Variants in SMIM3 observed in about 807,000 individuals in gnomAD.
SMIM3 encodes the protein small integral membrane protein 3, also known as NGF-induced differentiation clone 67 protein.
In SMIM3, 4 loss-of-function variants were observed where a neutral mutation model predicts 2.1. The observed-to-expected ratio is 1.89, with a 90% CI of 0.93 to 4.31. The LOEUF (loss-of-function observed/expected upper bound fraction) is 4.31. SMIM3 is among the 30% of genes most tolerant of loss of function. The probability of loss-of-function intolerance (pLI) is 0.01; values close to 1 mark genes in which losing one functional copy is unlikely to be tolerated. For synonymous variants in SMIM3, 29 were observed against 30.8 expected, an observed-to-expected ratio of 0.94 and a Z score of 0.19; for missense variants, 79 against 77.7, an observed-to-expected ratio of 1.02 and a Z score of -0.06.
chr5:150,792,250 C>T (rs13360680), intron 1 of SMIM3, among the ~76,000 whole-genome samples: 10,531 of 152,250 alleles, frequency 0.069, 512 homozygotes, highest in East Asian at 0.22. Context: ...GAATTATCGA[C>T]CTTACATTTG....
At chr5:150,779,957 T>C (rs1026246146) in intron 1 of SMIM3, among the ~76,000 whole-genome samples, 1 of 151,816 alleles carries the variant, frequency 6.6e-6, no homozygotes, top group Admixed American at 6.6e-5. Flanking sequence ...CTGCTGCACC[T>C]GGGGGCTGAG....
intron 1 of SMIM3, among the ~76,000 whole-genome samples, 169 bp from the exon 2 acceptor site, chr5:150,795,261 G>A (rs1389879688): frequency 6.6e-6 from 1 of 152,196 alleles, no homozygotes; most frequent in Non-Finnish European, 1.5e-5. Flanking sequence ...CACAGGTCTG[G>A]CAATAGGAAG....
chr5:150,794,282 A>G (rs1417396320), intron 1 of SMIM3, among the ~76,000 whole-genome samples: 1 of 152,206 alleles, frequency 6.6e-6, no homozygotes, highest in Non-Finnish European at 1.5e-5. Flanking sequence ...TTAAATAACT[A>G]AAAGTAGGAC....
At chr5:150,784,426 T>A (rs1753269482) in intron 1 of SMIM3, among the ~76,000 whole-genome samples, 1 of 152,206 alleles carries the variant, frequency 6.6e-6, no homozygotes, top group Admixed American at 6.5e-5. Flanking sequence ...GTTGATAACA[T>A]CTATTCTGCT....
chr5:150,778,893 C>T lies in SMIM3; in HGVS notation c.-91C>T, dbSNP rs148537758. 9,962 of 503,528 alleles carry T rather than the reference C, an allele frequency of 0.02. 150 individuals are homozygous for T. Among genetic ancestry groups the T allele is most frequent in the Non-Finnish European group, 0.026 (6,308 of 245,642 alleles). 31.2% of individuals were successfully genotyped at this position (503,528 alleles called of 1,614,324 possible). On this transcript the variant is annotated 5_prime_UTR_variant, in exon 1 of 2. Coordinates refer to ENST00000526627, the MANE Select transcript of SMIM3 (RefSeq NM_032947.5). The stretch of plus-strand genomic sequence containing the variant: ...TGGGGGTCGCTTCCAGCTGCCAGAT[C>T]CCGTGCAGTCCTGGGGACCCTGAGA...
chr5:150,789,559 G>A (rs1211296659), intron 1 of SMIM3, among the ~76,000 whole-genome samples: 1 of 152,158 alleles, frequency 6.6e-6, no homozygotes, highest in Admixed American at 6.5e-5. Flanking sequence ...GGCCCTTGGA[G>A]AACATTGCAA....
At chr5:150,795,328 T>G in intron 1 of SMIM3, 102 bp from the exon 2 acceptor site, 1 of 1,203,220 alleles carries the variant, frequency 8.3e-7, no homozygotes, top group South Asian at 1.2e-5. Context: ...AGTTTACATA[T>G]CTGGTAAGTG....
At chr5:150,786,493 C>T (rs1332151578) in intron 1 of SMIM3, among the ~76,000 whole-genome samples, 1 of 152,104 alleles carries the variant, frequency 6.6e-6, no homozygotes, top group Non-Finnish European at 1.5e-5. Flanking sequence ...TGCCATGTTG[C>T]TTAGGCTGAT....
In SMIM3 at chr5:150,795,710, C is replaced by A. The variant is rs1480580352; in HGVS notation, c.*87C>A. On this transcript the variant is annotated 3_prime_UTR_variant, in exon 2 of 2. Coordinates refer to ENST00000526627, the MANE Select transcript of SMIM3 (RefSeq NM_032947.5). ...GTCTTCAGAAAAGCAGCAGGAGGGACTTTGGGGCATGGACCTGAGTTCTGG... is the reference window on the plus strand; with the variant it reads ...GTCTTCAGAAAAGCAGCAGGAGGGAATTTGGGGCATGGACCTGAGTTCTGG... 1 of 1,420,970 alleles carries A rather than the reference C, an allele frequency of 7.0e-7. No individual in the cohort carries two copies. The allele number at this position is 1,420,970 out of a possible 1,614,324, so 88.0% of individuals were successfully genotyped here.
chr5:150,778,953 C>T lies in SMIM3; in HGVS notation c.-31C>T. The stretch of plus-strand genomic sequence containing the variant: ...CCATCCCTGACCCAGGAACTTTCCG[C>T]AGACTCGCCGCCATCTGGGGTGAGT... On this transcript the variant is annotated 5_prime_UTR_variant, in exon 1 of 2. Coordinates refer to ENST00000526627, the MANE Select transcript of SMIM3 (RefSeq NM_032947.5). 1.9e-6 allele frequency: 1 copy of T among 513,318 alleles called. No homozygotes were observed. Among genetic ancestry groups the T allele is most frequent in the East Asian group, 5.8e-5 (1 of 17,170 alleles). The allele number at this position is 513,318 out of a possible 1,614,324, so 31.8% of individuals were successfully genotyped here. A position where few individuals can be genotyped will look rare whatever the true frequency, so the allele number is the denominator to read the frequency against.
At chr5:150,790,757 G>A (rs772187754) in intron 1 of SMIM3, among the ~76,000 whole-genome samples, 1 of 152,092 alleles carries the variant, frequency 6.6e-6, no homozygotes, top group South Asian at 2.1e-4. Context: ...GGAAAAAAGG[G>A]CTCCTCCTCA....
At chr5:150,793,558 A>G (rs1418649263) in intron 1 of SMIM3, among the ~76,000 whole-genome samples, 1 of 152,160 alleles carries the variant, frequency 6.6e-6, no homozygotes, top group Non-Finnish European at 1.5e-5. Flanking sequence ...GCAAACAAAA[A>G]CATGCAATGG....
At chr5:150,783,919 T>A (rs981139504) in intron 1 of SMIM3, among the ~76,000 whole-genome samples, 3 of 123,372 alleles carry the variant, frequency 2.4e-5, no homozygotes, top group Non-Finnish European at 5.0e-5. Context: ...ACTCCCTTTT[T>A]TTTTTTTTTT....
intron 1 of SMIM3, among the ~76,000 whole-genome samples, chr5:150,782,870 T>C (rs539978932): frequency 6.6e-6 from 1 of 152,300 alleles, no homozygotes; most frequent in East Asian, 1.9e-4. Context: ...GGCCCTGTGA[T>C]AGGTGCTGAG....
chr5:150,784,459 T>C (rs1753269789), intron 1 of SMIM3, among the ~76,000 whole-genome samples: 1 of 152,204 alleles, frequency 6.6e-6, no homozygotes. Flanking sequence ...CCCCACAAGA[T>C]CTGAGAGAGA....
chr5:150,795,535 TC>T lies in SMIM3; in HGVS notation c.96del (p.Ile33SerfsTer2). ...GTCCTCATCATCCTGGCCACCATTG[TC>T]ATCATGACCTCGTTGTTGCTGTGCC... ...VIVLIILATI[V>X]IMTSLLLCPA... On this transcript the variant is annotated frameshift_variant, in exon 2 of 2. Coordinates refer to ENST00000526627, the MANE Select transcript of SMIM3 (RefSeq NM_032947.5). LOFTEE classifies it high-confidence loss of function. The T allele has an allele frequency of 1.6e-5, 25 of 1,611,990 alleles. No homozygotes were observed. The highest frequency in any genetic ancestry group is 2.1e-5 in the Non-Finnish European group (25 of 1,179,736).
At position 150,795,488 on chromosome 5, in the gene SMIM3, C is replaced by T. The variant is rs924945076; in HGVS notation, c.48C>T (p.His16=). The change falls in exon 2 of 2, where the codon CAC becomes CAT. Residue 16 remains histidine (H), a synonymous_variant. Transcript: ENST00000526627. ...QVPMEVVLPK[H]ILDIWVIVLI... The stretch of plus-strand genomic sequence containing the variant: ...CCATGGAAGTCGTGCTTCCCAAGCA[C>T]ATCCTGGATATCTGGGTTATTGTCC... 5 of 1,613,962 alleles carry T rather than the reference C, an allele frequency of 3.1e-6. No homozygotes were observed. Among genetic ancestry groups the T allele is most frequent in the Non-Finnish European group, 4.2e-6 (5 of 1,179,894 alleles).
At chr5:150,794,789 C>T (rs1753385366) in intron 1 of SMIM3, among the ~76,000 whole-genome samples, 1 of 152,136 alleles carries the variant, frequency 6.6e-6, no homozygotes, top group Admixed American at 6.5e-5. Flanking sequence ...CGAGCAGTTC[C>T]ATTTATTAAG....
At chr5:150,781,754 GCT>G (rs1311696467) in intron 1 of SMIM3, among the ~76,000 whole-genome samples, 1 of 150,550 alleles carries the variant, frequency 6.6e-6, no homozygotes, top group African/African-American at 2.5e-5. Context: ...TGCTCTTGCA[GCT>G]CTGTCACGGA....
Sources: allele counts gnomAD v4.1 joint callset (sites outside exome capture counted in the v4.1 genomes callset), GRCh38; gene constraint gnomAD v4.1.1; transcripts MANE v1.5; gene names NCBI Gene and HGNC (gene_info 2026-07-23, HGNC 2026-07-21).